The following UBE2K variants were observed in gnomAD, a reference collection of about 807,000 sequenced individuals.
The protein encoded by UBE2K is ubiquitin-conjugating enzyme E2 K.
UBE2K carries 6 observed loss-of-function variants against 30.0 expected under a neutral mutation model. The observed-to-expected ratio is 0.20, with a 90% CI of 0.11 to 0.39. The LOEUF is 0.39. Among genes scored for constraint, UBE2K ranks in the 10% least tolerant of loss-of-function variants. The pLI, the probability that UBE2K is intolerant of heterozygous loss-of-function variation, is 1.00. For missense variants in UBE2K, 61 were observed against 241.6 expected (o/e 0.25, Z 4.96); for synonymous variants, 86 against 83.7 (o/e 1.03, Z -0.15).
chr4:39,704,742 A>G (rs2381427), intron 1 of UBE2K, among the ~76,000 whole-genome samples: 25,490 of 151,742 alleles, frequency 0.17, 4,169 homozygotes, highest in African/African-American at 0.42. Flanking sequence ...GGGTTTCACC[A>G]TGTTGCCCAG....
chr4:39,699,146 T>C (rs758464374), intron 1 of UBE2K, among the ~76,000 whole-genome samples: 2 of 152,178 alleles, frequency 1.3e-5, no homozygotes, highest in Non-Finnish European at 2.9e-5. Flanking sequence ...ATTAAAGACA[T>C]GTAAATATTT....
chr4:39,705,055 T>G (rs1322364243), intron 1 of UBE2K, among the ~76,000 whole-genome samples: 3 of 149,866 alleles, frequency 2.0e-5, no homozygotes, highest in Non-Finnish European at 4.4e-5. Flanking sequence ...TTTTGTTTTT[T>G]TTTGTTTTTG....
At chr4:39,755,186 T>C (rs1336687104) in intron 3 of UBE2K, among the ~76,000 whole-genome samples, 1 of 152,232 alleles carries the variant, frequency 6.6e-6, no homozygotes, top group Non-Finnish European at 1.5e-5. Flanking sequence ...GAAAAAATTC[T>C]ACAGAAAAAT....
At chr4:39,758,597 G>A (rs759120076) in intron 4 of UBE2K, among the ~76,000 whole-genome samples, 9 of 152,158 alleles carry the variant, frequency 5.9e-5, no homozygotes, top group Non-Finnish European at 1.3e-4. Flanking sequence ...AGAATCGCTT[G>A]AACCTGGGAG....
intron 1 of UBE2K, among the ~76,000 whole-genome samples, chr4:39,721,418 A>G (rs1354495957): frequency 2.0e-5 from 3 of 152,188 alleles, no homozygotes; most frequent in Non-Finnish European, 4.4e-5. Flanking sequence ...CAGTGGCTCA[A>G]TCACAGCTCA....
chr4:39,703,836 C>G (rs527761570), intron 1 of UBE2K, among the ~76,000 whole-genome samples: 26 of 108,224 alleles, frequency 2.4e-4, no homozygotes, highest in Admixed American at 8.6e-4. Flanking sequence ...CAGAGCGAGA[C>G]TCCATCTCAA....
At chr4:39,731,078 CG>C (rs1367674217) in intron 1 of UBE2K, among the ~76,000 whole-genome samples, 1 of 151,968 alleles carries the variant, frequency 6.6e-6, no homozygotes, top group Non-Finnish European at 1.5e-5. Flanking sequence ...CTCTGCCTCC[CG>C]GGTTCAAGCG....
intron 3 of UBE2K, among the ~76,000 whole-genome samples, chr4:39,748,827 A>T (rs1721113756): frequency 6.6e-6 from 1 of 152,192 alleles, no homozygotes; most frequent in African/African-American, 2.4e-5. Flanking sequence ...ACAAAAAAAA[A>T]TAAAGAACAA....
intron 4 of UBE2K, among the ~76,000 whole-genome samples, chr4:39,773,467 C>A (rs377345718): frequency 1.3e-5 from 2 of 151,634 alleles, no homozygotes; most frequent in South Asian, 2.1e-4. Context: ...GACTCCATCT[C>A]AAGAAAATAA....
chr4:39,746,628 C>T lies in UBE2K; in HGVS notation c.216+818C>T, dbSNP rs1472654485. 2.6e-5 allele frequency among the ~76,000 whole-genome samples: 4 copies of T among 152,198 alleles called. No individual in the cohort carries two copies. In the East Asian group the frequency reaches 7.7e-4, roughly 29 times the overall value. ...AGAACCTGACCCCAGTCTTGTTTCC[C>T]ACTCTAATCTTCTACCACTTCCACC... On this transcript the variant is annotated intron_variant, in intron 3 of 6. Coordinates refer to ENST00000261427, the MANE Select transcript of UBE2K (RefSeq NM_005339.5).
chr4:39,725,160 T>A (rs1375856058), intron 1 of UBE2K, among the ~76,000 whole-genome samples: 3 of 152,046 alleles, frequency 2.0e-5, no homozygotes. Context: ...GCAGACAGAT[T>A]GCTTTAGCCC....
At position 39,770,956 on chromosome 4, in the gene UBE2K, T is replaced by A. The variant is rs1314613371; in HGVS notation, c.300-3878T>A. 3.8e-6 allele frequency: 6 copies of A among 1,588,772 alleles called. No individual in the cohort carries two copies. The South Asian group carries it at 5.8e-5, about 15-fold the overall frequency. ...GGGGGGTGGGGGCTTCGGGGCTGGC[T>A]TTGGGGTCCTGGCTGGAGGGAGGAG... On this transcript the variant is annotated intron_variant, in intron 4 of 6. Transcript: ENST00000261427.
chr4:39,743,330 G>A (rs192402510), intron 2 of UBE2K, among the ~76,000 whole-genome samples: 4 of 152,224 alleles, frequency 2.6e-5, no homozygotes, highest in African/African-American at 7.2e-5. Context: ...TAGGCCAGGC[G>A]CAGTGGCTCA....
In UBE2K at chr4:39,781,721, GA is replaced by G; in HGVS notation, c.*3292del. The G allele has an allele frequency of 2.6e-6, 1 of 387,188 alleles. No individual in the cohort carries two copies. Among genetic ancestry groups the G allele is most frequent in the Non-Finnish European group, 4.6e-6 (1 of 218,816 alleles). 24.0% of individuals were successfully genotyped at this position (387,188 alleles called of 1,614,324 possible). A position where few individuals can be genotyped will look rare whatever the true frequency, so the allele number is the denominator to read the frequency against. On this transcript the variant is annotated 3_prime_UTR_variant, in exon 7 of 7. Coordinates refer to ENST00000261427, the MANE Select transcript of UBE2K (RefSeq NM_005339.5). ...GTAGAGGGAAACAATGTTTAGATAG[GA>G]AAAAGGAAGCCGTCTGTTTACAGTT...
intron 3 of UBE2K, among the ~76,000 whole-genome samples, chr4:39,751,782 A>G (rs1163494009): frequency 6.6e-6 from 1 of 152,136 alleles, no homozygotes; most frequent in East Asian, 1.9e-4. Flanking sequence ...CCTGGCCAAC[A>G]TGGTGAAACC....
At chr4:39,699,432 C>G (rs1717885964) in intron 1 of UBE2K, among the ~76,000 whole-genome samples, 1 of 152,152 alleles carries the variant, frequency 6.6e-6, no homozygotes, top group Non-Finnish European at 1.5e-5. Context: ...CCTCCCGTTG[C>G]TCTTAAGTCC....
At chr4:39,726,369 C>A (rs990929856) in intron 1 of UBE2K, among the ~76,000 whole-genome samples, 7 of 152,034 alleles carry the variant, frequency 4.6e-5, no homozygotes, top group Admixed American at 2.6e-4. Flanking sequence ...TAATAGATAT[C>A]ATCACCCAGT....
At chr4:39,721,699 G>A (rs990959905) in intron 1 of UBE2K, among the ~76,000 whole-genome samples, 1 of 152,038 alleles carries the variant, frequency 6.6e-6, no homozygotes, top group Non-Finnish European at 1.5e-5. Context: ...GAGAAAAGTC[G>A]AAAGGACAGT....
intron 4 of UBE2K, among the ~76,000 whole-genome samples, chr4:39,760,192 ACAG>A (rs150719676): frequency 3.8e-4 from 26 of 68,532 alleles, no homozygotes; most frequent in African/African-American, 8.7e-4. Flanking sequence ...AAAAAAAAAA[ACAG>A]AAAAAAAAAA....
Sources: allele counts gnomAD v4.1 joint callset (sites outside exome capture counted in the v4.1 genomes callset), GRCh38; gene constraint gnomAD v4.1.1; transcripts MANE v1.5; gene names NCBI Gene and HGNC (gene_info 2026-07-23, HGNC 2026-07-21).